CCDC38: variants seen among roughly 807,000 people sequenced by gnomAD.
The protein encoded by CCDC38 is coiled-coil domain-containing protein 38.
CCDC38 carries 69 observed loss-of-function variants against 72.8 expected under a neutral mutation model. That is an observed-to-expected ratio of 0.95 (90% CI 0.78 to 1.16). The LOEUF is 1.16. Among genes scored for constraint, CCDC38 ranks in the 50% most tolerant of loss-of-function variants. CCDC38 has a pLI of 0.00. For synonymous variants in CCDC38, 201 were observed against 213.2 expected (o/e 0.94, Z 0.50); for missense variants, 626 against 638.9 (o/e 0.98, Z 0.22).
At chr12:95,887,220 T>C (rs2079770010) in intron 10 of CCDC38, among the ~76,000 whole-genome samples, 2 of 151,730 alleles carry the variant, frequency 1.3e-5, no homozygotes, top group South Asian at 4.1e-4. Context: ...AAAAAACCAC[T>C]GAACACACAT....
At chr12:95,936,624 T>G in intron 1 of CCDC38, 101 bp from the exon 2 acceptor site, 1 of 867,150 alleles carries the variant, frequency 1.2e-6, no homozygotes, top group Non-Finnish European at 1.8e-6. Flanking sequence ...CCTTATGGCT[T>G]TTAAAAGCAG....
intron 4 of CCDC38, among the ~76,000 whole-genome samples, chr12:95,911,633 A>G (rs951716952): frequency 1.3e-5 from 2 of 152,244 alleles, no homozygotes; most frequent in African/African-American, 4.8e-5. Flanking sequence ...ATTGCCAATC[A>G]TCAGAGAAAT....
intron 5 of CCDC38, 42 bp from the exon 6 acceptor site, chr12:95,898,773 A>G (rs978125002): frequency 1.9e-6 from 3 of 1,578,086 alleles, no homozygotes; most frequent in Non-Finnish European, 1.7e-6. Flanking sequence ...ATGATTCCAC[A>G]TTTTTAGTAA....
intron 4 of CCDC38, among the ~76,000 whole-genome samples, chr12:95,912,902 T>C (rs2080109323): frequency 6.6e-6 from 1 of 151,762 alleles, no homozygotes; most frequent in Non-Finnish European, 1.5e-5. Context: ...TCTACAAAAA[T>C]ATACAAAAAT....
chr12:95,922,424 T>C (rs1264163094), intron 2 of CCDC38, among the ~76,000 whole-genome samples: 3 of 152,124 alleles, frequency 2.0e-5, no homozygotes, highest in African/African-American at 7.2e-5. Context: ...GAATCACCAG[T>C]GGTGGGAGGC....
intron 2 of CCDC38, chr12:95,934,233 G>A (rs2080367237): frequency 6.6e-6 from 1 of 152,094 alleles, no homozygotes; most frequent in Admixed American, 6.5e-5. Flanking sequence ...ATGGTGCCTG[G>A]CTTAGGTGTT....
intron 2 of CCDC38, among the ~76,000 whole-genome samples, chr12:95,925,080 G>A (rs2080254009): frequency 6.6e-6 from 1 of 151,172 alleles, no homozygotes; most frequent in Non-Finnish European, 1.5e-5. Flanking sequence ...TGTGAAGAAA[G>A]TCACTGGTAG....
chr12:95,881,702 T>G, intron 10 of CCDC38, 148 bp from the exon 11 acceptor site: 1 of 557,428 alleles, frequency 1.8e-6, no homozygotes, highest in Non-Finnish European at 3.2e-6. Flanking sequence ...AACTGCTGAT[T>G]GCAGAAATCA....
At chr12:95,903,057 A>T (rs2079966022) in intron 5 of CCDC38, among the ~76,000 whole-genome samples, 1 of 152,120 alleles carries the variant, frequency 6.6e-6, no homozygotes, top group Non-Finnish European at 1.5e-5. Context: ...CCATTTATTT[A>T]GGTCTTTAAT....
At chr12:95,933,908 T>C (rs532060396) in intron 2 of CCDC38, 3 of 152,224 alleles carry the variant, frequency 2.0e-5, no homozygotes, top group Non-Finnish European at 4.4e-5. Context: ...CTGGGCATGG[T>C]GGCTCACTCC....
At chr12:95,936,815 A>G (rs1259752673) in intron 1 of CCDC38, among the ~76,000 whole-genome samples, 1 of 152,250 alleles carries the variant, frequency 6.6e-6, no homozygotes, top group East Asian at 1.9e-4. Flanking sequence ...TGGCCCTTAA[A>G]ATGATGCTGT....
At chr12:95,872,112 A>G (rs2079586657) in intron 14 of CCDC38, 143 bp downstream of exon 14, 2 of 693,974 alleles carry the variant, frequency 2.9e-6, no homozygotes, top group East Asian at 2.5e-5. Context: ...AATAATAGCT[A>G]TATGAGGAGA....
intron 4 of CCDC38, among the ~76,000 whole-genome samples, chr12:95,913,083 C>CA (rs907536585): frequency 2.1e-4 from 32 of 151,096 alleles, no homozygotes; most frequent in South Asian, 1.9e-3. Flanking sequence ...ATAATAAAAG[C>CA]AAAAAAAATG....
intron 8 of CCDC38, among the ~76,000 whole-genome samples, chr12:95,893,447 C>T (rs2079852485): frequency 9.8e-6 from 1 of 102,016 alleles, no homozygotes; most frequent in South Asian, 4.0e-4. Context: ...CCCTCCCTTC[C>T]TTCCTTCTTT....
chr12:95,941,735 TTC>T (rs1322647989), intron 1 of CCDC38, among the ~76,000 whole-genome samples: 2 of 152,192 alleles, frequency 1.3e-5, no homozygotes, highest in Non-Finnish European at 1.5e-5. Context: ...CTATTTCTAC[TTC>T]TCTTTTTAAA....
chr12:95,884,430 T>G (rs78633929), intron 10 of CCDC38, among the ~76,000 whole-genome samples: 19,954 of 152,216 alleles, frequency 0.13, 1,779 homozygotes, highest in Non-Finnish European at 0.19. Flanking sequence ...TCAAAGAAGA[T>G]CTAAACAAAT....
chr12:95,890,045 G>A (rs568927539), intron 9 of CCDC38, among the ~76,000 whole-genome samples: 1 of 152,184 alleles, frequency 6.6e-6, no homozygotes, highest in South Asian at 2.1e-4. Context: ...CTCAGCAGCT[G>A]GGACTATAGG....
At chr12:95,885,591 A>G (rs1056601600) in intron 10 of CCDC38, 1 of 156,294 alleles carries the variant, frequency 6.4e-6, no homozygotes, top group African/African-American at 2.4e-5. Context: ...CTACCTATAA[A>G]TTTCCAGTGG....
chr12:95,897,471 G>A (rs887770174), intron 7 of CCDC38, among the ~76,000 whole-genome samples: 11 of 151,816 alleles, frequency 7.2e-5, no homozygotes, highest in African/African-American at 2.2e-4. Flanking sequence ...TGAGCCAAGC[G>A]TGGAGGTGGG....
Sources: allele counts gnomAD v4.1 joint callset (sites outside exome capture counted in the v4.1 genomes callset), GRCh38; gene constraint gnomAD v4.1.1; transcripts MANE v1.5; gene names NCBI Gene and HGNC (gene_info 2026-07-23, HGNC 2026-07-21).